CDKL5: variants seen among roughly 807,000 people sequenced by gnomAD.
CDKL5 encodes the protein cyclin-dependent kinase-like 5.
CDKL5 carries 8 observed loss-of-function variants against 61.7 expected under a neutral mutation model. That is an observed-to-expected ratio of 0.13 (90% confidence interval 0.08 to 0.23). CDKL5 has a LOEUF of 0.23. CDKL5 is among the 10% of genes least tolerant of loss of function. The pLI is 1.00. For synonymous variants in CDKL5, 275 were observed against 272.3 expected, an observed-to-expected ratio of 1.01 and a Z score of -0.10; for missense variants, 440 against 734.5, an observed-to-expected ratio of 0.60 and a Z score of 4.63.
At chrX:18,472,092 C>T (rs1313757725) in intron 1 of CDKL5, among the ~76,000 whole-genome samples, 1 of 111,877 alleles carries the variant, frequency 8.9e-6, no homozygotes, top group East Asian at 2.8e-4. Context: ...CTATAGTCAC[C>T]CCGTTGTGCT....
intron 4 of CDKL5, among the ~76,000 whole-genome samples, chrX:18,569,148 A>C (rs745529165): frequency 9.0e-5 from 10 of 111,652 alleles, no homozygotes; most frequent in Non-Finnish European, 1.3e-4. Flanking sequence ...AGTAATGAAA[A>C]ATTTTGTCTG....
chrX:18,531,855 T>C (rs966680806), intron 3 of CDKL5, among the ~76,000 whole-genome samples: 5 of 107,503 alleles, frequency 4.7e-5, no homozygotes, highest in South Asian at 4.2e-4. Context: ...TACAGGCGCC[T>C]GCCACCGCGC....
At chrX:18,425,842 G>A in intron 1 of CDKL5, 147 bp downstream of exon 1, 1 of 113,011 alleles carries the variant, frequency 8.8e-6, no homozygotes, top group Non-Finnish European at 1.9e-5. Context: ...CCCCCGGAAC[G>A]GGGCGACGCG....
intron 14 of CDKL5, 58 bp from the exon 15 acceptor site, chrX:18,613,094 A>G: frequency 2.1e-5 from 3 of 142,071 alleles, no homozygotes; most frequent in Non-Finnish European, 3.6e-5. Context: ...GACTCTGTCT[A>G]AAAAAAAAAA....
At chrX:18,618,954 G>GCAA (rs1926804128) in intron 15 of CDKL5, among the ~76,000 whole-genome samples, 2 of 110,985 alleles carry the variant, frequency 1.8e-5, no homozygotes, top group Admixed American at 1.9e-4. Context: ...GGGCAACAGA[G>GCAA]CAAGACACTG....
At chrX:18,614,686 A>G (rs1031069973) in intron 15 of CDKL5, among the ~76,000 whole-genome samples, 1 of 112,514 alleles carries the variant, frequency 8.9e-6, no homozygotes, top group Non-Finnish European at 1.9e-5. Context: ...TCTCCATGTG[A>G]CTGTTTTAAG....
chrX:18,627,486 C>G (rs1007518740), intron 17 of CDKL5: 3 of 111,241 alleles, frequency 2.7e-5, no homozygotes, highest in African/African-American at 9.8e-5. Context: ...CTTCCGAGAT[C>G]GAGGAAGAGG....
At chrX:18,490,360 T>G (rs1433643605) in intron 1 of CDKL5, among the ~76,000 whole-genome samples, 3 of 110,685 alleles carry the variant, frequency 2.7e-5, no homozygotes, top group Non-Finnish European at 5.7e-5. Flanking sequence ...GAGGGCAGTT[T>G]TGTGAGACTG....
intron 21 of CDKL5, among the ~76,000 whole-genome samples, chrX:18,650,911 G>C (rs1928001294): frequency 8.9e-6 from 1 of 112,442 alleles, no homozygotes; most frequent in Non-Finnish European, 1.9e-5. Flanking sequence ...ATTGCTGTAA[G>C]ATTGAGTGAA....
chrX:18,580,826 A>G (rs1271170542), intron 6 of CDKL5, among the ~76,000 whole-genome samples: 1 of 112,292 alleles, frequency 8.9e-6, no homozygotes, highest in South Asian at 3.7e-4. Flanking sequence ...CACTTTAAAA[A>G]TATTCTCACT....
intron 3 of CDKL5, chrX:18,535,908 C>T (rs1169910192): frequency 1.8e-5 from 2 of 112,280 alleles, no homozygotes; most frequent in East Asian, 2.8e-4. Flanking sequence ...GAAACAATTC[C>T]TCTTGCTGTA....
chrX:18,486,681 A>G (rs958147159), intron 1 of CDKL5, among the ~76,000 whole-genome samples: 4 of 112,114 alleles, frequency 3.6e-5, no homozygotes, highest in East Asian at 2.8e-4. Context: ...AATATGTACT[A>G]TGATTATCAT....
rs768214366 is a variant in CDKL5 at position 18,604,706 on chromosome X, T to C, written c.1782T>C (p.Tyr594=). 10 of 1,210,434 alleles carry C rather than the reference T, an allele frequency of 8.3e-6. No homozygotes were observed. The highest frequency in any genetic ancestry group is 3.0e-5 in the East Asian group (1 of 33,799). Reference sequence around the variant, plus strand: ...CTGCACCTCACGAATCTTTTTCTTATGGACTGGGCTACACCAGCCCCTTTT... The same window carrying C: ...CTGCACCTCACGAATCTTTTTCTTACGGACTGGGCTACACCAGCCCCTTTT... ...SLSAPHESFS[Y]GLGYTSPFSS... Residue 594 remains tyrosine, a synonymous_variant, in exon 12 of 18, where the codon TAT becomes TAC. Coordinates refer to ENST00000623535, the MANE Select transcript of CDKL5 (RefSeq NM_001323289.2).
At chrX:18,626,741 C>T (rs1206965576) in intron 17 of CDKL5, 1 of 50,475 alleles carries the variant, frequency 2.0e-5, no homozygotes, top group Non-Finnish European at 3.7e-5. Flanking sequence ...CTCTCCCCCC[C>T]CCTCCCCCCC....
At chrX:18,593,725 A>T (rs185780411) in intron 9 of CDKL5, among the ~76,000 whole-genome samples, 2 of 112,313 alleles carry the variant, frequency 1.8e-5, no homozygotes, top group Admixed American at 9.5e-5. Flanking sequence ...AATATATCCA[A>T]AATGCCTCGC....
chrX:18,507,087 G>C lies in CDKL5; in HGVS notation c.-10G>C, dbSNP rs1922603106. ...TTTTGTGGCTTGCATCAAAAGAGGAGTTTGTCTTCATGAAGATTCCTAACA... is the reference window on the plus strand; with the variant it reads ...TTTTGTGGCTTGCATCAAAAGAGGACTTTGTCTTCATGAAGATTCCTAACA... On this transcript the variant is annotated 5_prime_UTR_variant, in exon 2 of 18. Transcript: ENST00000623535. The C allele has an allele frequency of 1.7e-6, 2 of 1,179,796 alleles. No homozygotes were observed. Among genetic ancestry groups the C allele is most frequent in the Non-Finnish European group, 2.3e-6 (2 of 866,872 alleles).
rs1209534634 is a variant in CDKL5, at chrX:18,636,026, G to A, written c.*7269G>A. 1 of 111,704 alleles carries A rather than the reference G, an allele frequency of 9.0e-6. No homozygotes were observed. Among genetic ancestry groups the A allele is most frequent in the Non-Finnish European group, 1.9e-5 (1 of 53,148 alleles). 9.2% of individuals were successfully genotyped at this position (111,704 alleles called of 1,213,427 possible). On this transcript the variant is annotated 3_prime_UTR_variant, in exon 18 of 18. Transcript: ENST00000623535. ...TTAGGCCCTCAGTTTCATCATTTAG[G>A]GTAACACCAACCGAGTACATGTTCA...
At chrX:18,566,767 T>C (rs1054444443) in intron 4 of CDKL5, among the ~76,000 whole-genome samples, 2 of 111,922 alleles carry the variant, frequency 1.8e-5, no homozygotes, top group Non-Finnish European at 3.8e-5. Context: ...AGAGAAACTG[T>C]TTCTGGACGT....
rs183967407 is a variant in CDKL5 at position 18,548,514 on chromosome X, T to A, written c.100-15963T>A. 1.1e-3 allele frequency among the ~76,000 whole-genome samples: 123 copies of A among 112,522 alleles called. 1 individual carries two copies. Among genetic ancestry groups the A allele is most frequent in the Non-Finnish European group, 2.8e-4 (15 of 53,316 alleles). On this transcript the variant is annotated intron_variant, in intron 3 of 17. Transcript: ENST00000623535. ...AAAATAAAAATTGTTACTACCTATG[T>A]TGAATGTATTTTTCACTTTTCTCTG...
Sources: allele counts gnomAD v4.1 joint callset (sites outside exome capture counted in the v4.1 genomes callset), GRCh38; gene constraint gnomAD v4.1.1; transcripts MANE v1.5; gene names NCBI Gene and HGNC (gene_info 2026-07-23, HGNC 2026-07-21).